SLCO1B1: variants seen among roughly 807,000 people sequenced by gnomAD.
SLCO1B1 encodes the protein OATP-2.
SLCO1B1 carries 81 observed loss-of-function variants against 70.1 expected under a neutral mutation model. The observed-to-expected ratio is 1.16, with a 90% CI of 0.97 to 1.39. SLCO1B1 has a LOEUF of 1.39. Ranked by LOEUF, SLCO1B1 falls within the 40% of genes most tolerant of loss-of-function variation. The pLI is 0.00. For missense variants in SLCO1B1, 895 were observed against 799.6 expected (o/e 1.12, Z -1.44); for synonymous variants, 283 against 271.5 (o/e 1.04, Z -0.42).
chr12:21,231,000 G>A (rs898903716), intron 14 of SLCO1B1, among the ~76,000 whole-genome samples: 17 of 122,682 alleles, frequency 1.4e-4, no homozygotes, highest in Admixed American at 4.5e-4. Flanking sequence ...AGGCCCCAGT[G>A]TGTGATGTTC....
At chr12:21,172,374 G>T (rs1940766259) in intron 2 of SLCO1B1, among the ~76,000 whole-genome samples, 1 of 152,100 alleles carries the variant, frequency 6.6e-6, no homozygotes, top group South Asian at 2.1e-4. Flanking sequence ...CTATAAATCA[G>T]TTAATGAGAT....
intron 14 of SLCO1B1, among the ~76,000 whole-genome samples, chr12:21,236,913 A>G (rs1941601213): frequency 8.0e-6 from 1 of 125,314 alleles, no homozygotes; most frequent in Non-Finnish European, 1.8e-5. Flanking sequence ...CTTTTAATCT[A>G]TACATCTATA....
chr12:21,143,798 CT>C (rs1293318427), intron 2 of SLCO1B1, among the ~76,000 whole-genome samples: 1 of 152,050 alleles, frequency 6.6e-6, no homozygotes, highest in Non-Finnish European at 1.5e-5. Context: ...TCTTTAATAA[CT>C]TTCCTCATTC....
At chr12:21,141,441 T>A (rs960972756) in intron 1 of SLCO1B1, 73 bp from the exon 2 acceptor site, 43 of 570,466 alleles carry the variant, frequency 7.5e-5, no homozygotes, top group Admixed American at 2.0e-4. Flanking sequence ...TTGATGATGA[T>A]CTTGTGGCTT....
chr12:21,179,415 A>T (rs959315333), intron 7 of SLCO1B1, among the ~76,000 whole-genome samples: 26 of 152,120 alleles, frequency 1.7e-4, no homozygotes, highest in Non-Finnish European at 3.2e-4. Flanking sequence ...GCATTGATTT[A>T]TGGCTGGAGT....
chr12:21,140,094 A>T (rs1940286372), intron 1 of SLCO1B1, among the ~76,000 whole-genome samples: 1 of 152,134 alleles, frequency 6.6e-6, no homozygotes, highest in African/African-American at 2.4e-5. Flanking sequence ...ATTTACCAAA[A>T]TATTGTGACC....
Position 21,174,723 on chromosome 12 carries a change from A to G in SLCO1B1, c.359+14A>G. Reference sequence around the variant, plus strand: ...CTTCATGGGATAGTAAGTGTTAAAAAAAAAAAAAACCTCTGTGCCACTATC... The same window carrying G: ...CTTCATGGGATAGTAAGTGTTAAAAGAAAAAAAAACCTCTGTGCCACTATC... On this transcript the variant is annotated intron_variant, in intron 4 of 14. Coordinates refer to ENST00000256958, the MANE Select transcript of SLCO1B1 (RefSeq NM_006446.5). 1 of 1,608,846 alleles carries G rather than the reference A, an allele frequency of 6.2e-7. No individual in the cohort carries two copies. The highest frequency in any genetic ancestry group is 8.5e-7 in the Non-Finnish European group (1 of 1,178,800).
At chr12:21,214,773 T>G (rs1457903155) in intron 11 of SLCO1B1, among the ~76,000 whole-genome samples, 3 of 152,054 alleles carry the variant, frequency 2.0e-5, no homozygotes, top group East Asian at 1.9e-4. Context: ...TGGTGCGCCG[T>G]TTTTTAAGCC....
chr12:21,132,097 T>A (rs1481123938), intron 1 of SLCO1B1, among the ~76,000 whole-genome samples: 1 of 152,170 alleles, frequency 6.6e-6, no homozygotes, highest in Admixed American at 6.5e-5. Context: ...TTTGGTTTTT[T>A]GTCCTTGCGA....
chr12:21,165,205 T>C (rs1275791398), intron 2 of SLCO1B1, among the ~76,000 whole-genome samples: 1 of 152,176 alleles, frequency 6.6e-6, no homozygotes, highest in Non-Finnish European at 1.5e-5. Context: ...GAGACTTTAT[T>C]TCTTATCTCA....
intron 2 of SLCO1B1, among the ~76,000 whole-genome samples, chr12:21,158,300 T>C (rs939655393): frequency 6.6e-6 from 1 of 152,226 alleles, no homozygotes; most frequent in African/African-American, 2.4e-5. Flanking sequence ...ATCCATGTTA[T>C]TAGATGTTTA....
At chr12:21,200,818 T>A in intron 9 of SLCO1B1, 146 bp downstream of exon 9, 1 of 660,966 alleles carries the variant, frequency 1.5e-6, no homozygotes, top group South Asian at 2.3e-5. Flanking sequence ...CAAATGTTAT[T>A]AAACATATAA....
chr12:21,191,601 CT>C (rs1162888504), intron 7 of SLCO1B1, among the ~76,000 whole-genome samples: 1 of 152,016 alleles, frequency 6.6e-6, no homozygotes, highest in African/African-American at 2.4e-5. Flanking sequence ...TTACTTCTTT[CT>C]TTCAAGTTTG....
At chr12:21,149,303 G>A (rs1009729899) in intron 2 of SLCO1B1, among the ~76,000 whole-genome samples, 5 of 152,040 alleles carry the variant, frequency 3.3e-5, no homozygotes, top group African/African-American at 1.2e-4. Flanking sequence ...TCTTGTGCCG[G>A]TTTTCAAAGG....
At chr12:21,210,650 C>T (rs1338753514) in intron 11 of SLCO1B1, among the ~76,000 whole-genome samples, 4 of 150,176 alleles carry the variant, frequency 2.7e-5, no homozygotes, top group African/African-American at 7.4e-5. Flanking sequence ...TTACCTTGGG[C>T]AGTATGGCCA....
chr12:21,192,181 G>C (rs557140154), intron 7 of SLCO1B1, among the ~76,000 whole-genome samples: 2 of 152,056 alleles, frequency 1.3e-5, no homozygotes, highest in South Asian at 4.2e-4. Context: ...GATTGGAATG[G>C]ATTGCCATTA....
At chr12:21,151,318 C>T (rs898446704) in intron 2 of SLCO1B1, among the ~76,000 whole-genome samples, 5 of 152,066 alleles carry the variant, frequency 3.3e-5, no homozygotes, top group Admixed American at 6.5e-5. Context: ...TCTACCATAG[C>T]GGTTGGGTTG....
intron 1 of SLCO1B1, among the ~76,000 whole-genome samples, chr12:21,137,545 C>T (rs1264559831): frequency 6.6e-6 from 1 of 152,150 alleles, no homozygotes; most frequent in African/African-American, 2.4e-5. Context: ...TGGTGGCCGC[C>T]CCTCCCCCAG....
At position 21,197,015 on chromosome 12, in the gene SLCO1B1, G is replaced by A. The variant is rs779807623; in HGVS notation, c.797G>A (p.Gly266Glu). Residue 266 changes from glycine (G) to glutamate (E), a missense_variant, in exon 8 of 15, where the codon GGA (glycine) becomes GAA (glutamate). Gly to Glu is a moderately conservative substitution (Grantham distance 98, BLOSUM62 -2). Coordinates refer to ENST00000256958, the MANE Select transcript of SLCO1B1 (RefSeq NM_006446.5). Reference protein sequence around the residue: ...GAWWLNFLVSGLFSIISSIPF... With the variant: ...GAWWLNFLVSELFSIISSIPF... Reference sequence around the variant, plus strand: ...TGGTGGCTTAATTTCCTTGTGTCTGGACTATTCTCCATTATTTCTTCCATA... The same window carrying A: ...TGGTGGCTTAATTTCCTTGTGTCTGAACTATTCTCCATTATTTCTTCCATA... 5 of 1,613,400 alleles carry A rather than the reference G, an allele frequency of 3.1e-6. No homozygotes were observed. Among genetic ancestry groups the A allele is most frequent in the Non-Finnish European group, 3.4e-6 (4 of 1,179,598 alleles).
Sources: gnomAD v4.1 joint callset for allele counts (sites outside exome capture counted in the v4.1 genomes callset) on GRCh38, gnomAD v4.1.1 for gene constraint, MANE v1.5 for transcripts, NCBI Gene and HGNC (gene_info 2026-07-23, HGNC 2026-07-21) for gene names.